TMCO5A: variants seen among roughly 807,000 people sequenced by gnomAD.
The protein encoded by TMCO5A is transmembrane and coiled-coil domains 5A, also known as transmembrane and coiled-coil domain-containing protein 5A.
Under a neutral mutation model 42.3 loss-of-function variants are expected in TMCO5A, and 34 were observed. The ratio of observed to expected loss-of-function variants is 0.80; its 90% CI spans 0.61 to 1.07. The LOEUF (loss-of-function observed/expected upper bound fraction) is 1.07. TMCO5A is among the 50% of genes least tolerant of loss of function. TMCO5A has a pLI of 0.00. For missense variants in TMCO5A, 357 were observed against 327.9 expected (o/e 1.09, Z -0.69); for synonymous variants, 131 against 115.6 (o/e 1.13, Z -0.86).
downstream of TMCO5A, among the ~76,000 whole-genome samples, chr15:37,954,207 A>G (rs1890229765): frequency 1.3e-5 from 2 of 152,160 alleles, no homozygotes; most frequent in Non-Finnish European, 2.9e-5. Flanking sequence ...ATCCAAATAT[A>G]GAACACCTAC....
chr15:38,029,980 A>G, the TMCO5A span, among the ~76,000 whole-genome samples: 4 of 152,186 alleles, frequency 2.6e-5, no homozygotes, highest in Non-Finnish European at 1.5e-5. Flanking sequence ...ATAAAACCTC[A>G]TAAGATTCAT....
At chr15:37,937,317 A>G (rs772262238) in intron 4 of TMCO5A, 29 bp from the exon 5 acceptor site, 2 of 1,612,010 alleles carry the variant, frequency 1.2e-6, no homozygotes, top group Non-Finnish European at 1.7e-6. Context: ...GTACAGAGGC[A>G]GATTTACACT....
downstream of TMCO5A, among the ~76,000 whole-genome samples, chr15:37,969,556 A>G (rs957550237): frequency 5.3e-5 from 8 of 152,164 alleles, no homozygotes; most frequent in African/African-American, 1.9e-4. Context: ...ATAACTTTTT[A>G]TAAAACTTTT....
At chr15:38,017,626 G>C in the TMCO5A span, among the ~76,000 whole-genome samples, 2 of 152,108 alleles carry the variant, frequency 1.3e-5, no homozygotes, top group African/African-American at 4.8e-5. Context: ...CTCCTATTCT[G>C]TCAGTCTGCT....
At chr15:37,945,596 G>A (rs1240846250) in intron 10 of TMCO5A, among the ~76,000 whole-genome samples, 1 of 151,980 alleles carries the variant, frequency 6.6e-6, no homozygotes, top group African/African-American at 2.4e-5. Context: ...TTTTCATTGT[G>A]GTTTTGATTT....
chr15:37,969,867 C>CT (rs897167930), downstream of TMCO5A, among the ~76,000 whole-genome samples: 20 of 152,208 alleles, frequency 1.3e-4, no homozygotes, highest in South Asian at 4.1e-4. Flanking sequence ...TAATCTTGTT[C>CT]TTTTTTTATG....
rs977185513 is a variant in TMCO5A, at chr15:37,943,051, G to A, written c.570-290G>A. On this transcript the variant is annotated intron_variant, in intron 9 of 11. Transcript: ENST00000319669. ...CACTCAAGATCCCTGCTGAACATTG[G>A]TTTATGGCTTAACTGTTAAGCCAAG... 7 of 289,990 alleles carry A rather than the reference G, an allele frequency of 2.4e-5. No individual in the cohort carries two copies. In the South Asian group the frequency reaches 2.7e-4, roughly 11 times the overall value. 18.0% of individuals were successfully genotyped at this position (289,990 alleles called of 1,614,324 possible).
At position 37,943,323 on chromosome 15, in the gene TMCO5A, T is replaced by G; in HGVS notation, c.570-18T>G. 1.2e-6 allele frequency: 2 copies of G among 1,610,772 alleles called. No homozygotes were observed. Among genetic ancestry groups the G allele is most frequent in the Non-Finnish European group, 1.7e-6 (2 of 1,178,622 alleles). On this transcript the variant is annotated intron_variant, in intron 9 of 11. Transcript: ENST00000319669. Reference sequence around the variant, plus strand: ...AGTGCACTTTGTTCAATTTCTGTCCTGGCTGTTATCTTCATAGATCAAAAC... The same window carrying G: ...AGTGCACTTTGTTCAATTTCTGTCCGGGCTGTTATCTTCATAGATCAAAAC...
At chr15:37,976,603 C>T in the TMCO5A span, among the ~76,000 whole-genome samples, 5 of 151,968 alleles carry the variant, frequency 3.3e-5, no homozygotes, top group Admixed American at 6.6e-5. Flanking sequence ...TTTGTCAATT[C>T]TTTTTGTTTC....
the TMCO5A span, among the ~76,000 whole-genome samples, chr15:38,031,182 G>A: frequency 6.6e-6 from 1 of 152,094 alleles, no homozygotes; most frequent in African/African-American, 2.4e-5. Context: ...CTAATCTCCA[G>A]TCCTGTGGAT....
At chr15:38,007,770 T>A in the TMCO5A span, among the ~76,000 whole-genome samples, 1 of 151,952 alleles carries the variant, frequency 6.6e-6, no homozygotes, top group East Asian at 1.9e-4. Flanking sequence ...ATGATGTGGC[T>A]TTGGAATTGT....
chr15:37,976,793 CTTTT>C, the TMCO5A span, among the ~76,000 whole-genome samples: 5 of 116,844 alleles, frequency 4.3e-5, no homozygotes, highest in Middle Eastern at 4.2e-3. Flanking sequence ...TTTCTTCTTT[CTTTT>C]TTTTTTTTTT....
At chr15:37,993,936 A>G in the TMCO5A span, among the ~76,000 whole-genome samples, 1 of 152,314 alleles carries the variant, frequency 6.6e-6, no homozygotes, top group Admixed American at 6.5e-5. Flanking sequence ...GCCTTCAAAC[A>G]GATTCTAGAT....
At chr15:37,943,459 A>G (rs1362307135) in intron 10 of TMCO5A, 61 bp downstream of exon 10, 2 of 1,557,366 alleles carry the variant, frequency 1.3e-6, no homozygotes, top group Non-Finnish European at 1.8e-6. Context: ...AGCCATCTCC[A>G]GCAAACTATA....
At chr15:38,036,247 T>C in the TMCO5A span, among the ~76,000 whole-genome samples, 2 of 152,182 alleles carry the variant, frequency 1.3e-5, no homozygotes, top group African/African-American at 4.8e-5. Flanking sequence ...GCAGGCAGCC[T>C]TAACTGACTT....
In TMCO5A at chr15:37,947,662, C is replaced by A. The variant is rs1041720060; in HGVS notation, c.634C>A (p.Pro212Thr). ...ATATCCTTTCTTCTTCCAGGGTACT[C>A]CTACCCAAAAGACAGCAAGATTATT... ...EHTSQNNEGT[P>T]TQKTARLFSK... is the part of the protein sequence containing the mutation. Residue 212 changes from proline to threonine, a missense_variant, in exon 11 of 12, where the codon CCT becomes ACT. Pro to Thr is a conservative substitution (Grantham distance 38). Coordinates refer to ENST00000319669, the MANE Select transcript of TMCO5A (RefSeq NM_152453.4). 2 of 1,598,256 alleles carry A rather than the reference C, an allele frequency of 1.3e-6. No homozygotes were observed. Among genetic ancestry groups the A allele is most frequent in the African/African-American group, 2.7e-5 (2 of 74,342 alleles).
At chr15:38,006,075 AAGGCC>A in the TMCO5A span, among the ~76,000 whole-genome samples, 5 of 152,218 alleles carry the variant, frequency 3.3e-5, no homozygotes, top group African/African-American at 7.2e-5. Context: ...TGAAGAGGTC[AAGGCC>A]ATTGAAAGAA....
At chr15:37,966,825 T>C (rs937879220) in exon 12 of TMCO5A, 7 of 635,672 alleles carry the variant, frequency 1.1e-5, no homozygotes, top group Admixed American at 7.6e-5. Context: ...AGTACTCTGA[T>C]TGGTCAAGCT....
the TMCO5A span, among the ~76,000 whole-genome samples, chr15:37,978,158 G>C: frequency 2.0e-5 from 3 of 152,230 alleles, no homozygotes; most frequent in Non-Finnish European, 4.4e-5. Flanking sequence ...CTGTACTGTG[G>C]GCCTGAGCCA....
Sources: gnomAD v4.1 joint callset for allele counts (sites outside exome capture counted in the v4.1 genomes callset) on GRCh38, gnomAD v4.1.1 for gene constraint, MANE v1.5 for transcripts, NCBI Gene and HGNC (gene_info 2026-07-23, HGNC 2026-07-21) for gene names.